The following RNF114 variants were observed in gnomAD, a reference collection of about 807,000 sequenced individuals.
RNF114 encodes the protein E3 ubiquitin-protein ligase RNF114.
RNF114 carries 6 observed loss-of-function variants against 28.4 expected under a neutral mutation model. The observed-to-expected ratio is 0.21, with a 90% CI of 0.12 to 0.42. The LOEUF (loss-of-function observed/expected upper bound fraction) is 0.42. RNF114 is among the 10% of genes least tolerant of loss of function. The pLI, the probability that RNF114 is intolerant of heterozygous loss-of-function variation, is 1.00. For missense variants in RNF114, 249 were observed against 311.7 expected, an observed-to-expected ratio of 0.80 and a Z score of 1.51; for synonymous variants, 115 against 116.7, an observed-to-expected ratio of 0.99 and a Z score of 0.09.
rs1193863761 is a variant in RNF114 at position 49,936,484 on chromosome 20, A to G, written c.72A>G (p.Leu24=). 3 of 1,564,476 alleles carry G rather than the reference A, an allele frequency of 1.9e-6. No homozygotes were observed. The highest frequency in any genetic ancestry group is 1.4e-5 in the African/African-American group (1 of 72,964). ...GGCCGGCGGCGGAGGCTGACCCCCT[A>G]GGACGCTTCACGTGTCCCGTGTGCT... The part of the protein sequence containing the change: ...LAGPAAEADP[L]GRFTCPVCLE... Residue 24 remains leucine, a synonymous_variant, in exon 1 of 6, where the codon CTA becomes CTG. Transcript: ENST00000244061.
chr20:49,950,080 T>TC (rs1323545958), intron 5 of RNF114, among the ~76,000 whole-genome samples: 2 of 151,796 alleles, frequency 1.3e-5, no homozygotes, highest in African/African-American at 2.4e-5. Flanking sequence ...TGAAATCCCG[T>TC]CTTTACTAAA....
At position 49,945,412 on chromosome 20, in the gene RNF114, G is replaced by T. The variant is rs762982255; in HGVS notation, c.322G>T (p.Ala108Ser). 1.6e-5 allele frequency: 26 copies of T among 1,613,022 alleles called. No individual in the cohort carries two copies. The highest frequency in any genetic ancestry group is 2.5e-6 in the Non-Finnish European group (3 of 1,179,138). The change falls in exon 3 of 6, where the codon GCT becomes TCT. Residue 108 changes from alanine (A) to serine (S), a missense_variant. This residue lies in a region of RNF114 where 126 missense variants were observed against 205.3 expected (regional missense o/e 0.61). Coordinates refer to ENST00000244061, the MANE Select transcript of RNF114 (RefSeq NM_018683.4). ...CCTGTCCAAGATCCGGTCCCACGTGGCTACTTGTTCCAAATACCAGAATTA... is the reference window on the plus strand; with the variant it reads ...CCTGTCCAAGATCCGGTCCCACGTGTCTACTTGTTCCAAATACCAGAATTA... ...FFLSKIRSHVATCSKYQNYIM... is the reference protein window; with the variant it reads ...FFLSKIRSHVSTCSKYQNYIM...
chr20:49,945,409 G>A lies in RNF114; in HGVS notation c.319G>A (p.Val107Met), dbSNP rs769611423. 10 of 1,612,946 alleles carry A rather than the reference G, an allele frequency of 6.2e-6. No individual in the cohort carries two copies. Among genetic ancestry groups the A allele is most frequent in the Admixed American group, 3.3e-5 (2 of 59,992 alleles). The change falls in exon 3 of 6, where the codon GTG (valine) becomes ATG (methionine). Residue 107 changes from valine to methionine, a missense_variant. This residue lies in a region of RNF114 where 126 missense variants were observed against 205.3 expected (regional missense o/e 0.61). Transcript: ENST00000244061. ...NFFLSKIRSH[V>M]ATCSKYQNYI... The stretch of plus-strand genomic sequence containing the variant: ...CTTCCTGTCCAAGATCCGGTCCCAC[G>A]TGGCTACTTGTTCCAAATACCAGAA...
intron 5 of RNF114, 95 bp from the exon 6 acceptor site, chr20:49,951,981 C>CCGGATCCAGTTGCTAGACTGTCCTGCTT: frequency 9.8e-7 from 1 of 1,015,420 alleles, no homozygotes; most frequent in Non-Finnish European, 1.5e-6. Flanking sequence ...GCAACCTGCT[C>CCGGATCCAGTTGCTAGACTGTCCTGCTT]CGGATCCAGT....
At chr20:49,949,771 A>C (rs1399066340) in intron 5 of RNF114, among the ~76,000 whole-genome samples, 4 of 152,034 alleles carry the variant, frequency 2.6e-5, no homozygotes, top group Non-Finnish European at 4.4e-5. Flanking sequence ...CAGCCTCCTG[A>C]GTAGCTGGGA....
rs772836455 is a variant in RNF114 at position 49,945,410 on chromosome 20, T to G, written c.320T>G (p.Val107Gly). 4 of 1,613,068 alleles carry G rather than the reference T, an allele frequency of 2.5e-6. No individual in the cohort carries two copies. In the South Asian group the frequency reaches 4.4e-5, roughly 18 times the overall value. ...NFFLSKIRSH[V>G]ATCSKYQNYI... Reference sequence around the variant, plus strand: ...TTCCTGTCCAAGATCCGGTCCCACGTGGCTACTTGTTCCAAATACCAGAAT... The same window carrying G: ...TTCCTGTCCAAGATCCGGTCCCACGGGGCTACTTGTTCCAAATACCAGAAT... Residue 107 changes from valine to glycine, a missense_variant, in exon 3 of 6, where the codon GTG becomes GGG. Val to Gly is a moderately radical substitution (Grantham distance 109, BLOSUM62 -3). Coordinates refer to ENST00000244061, the MANE Select transcript of RNF114 (RefSeq NM_018683.4).
At chr20:49,952,001 G>GTCCTGCTTCGGATCCAGTTGCTAGGCTA in intron 5 of RNF114, 75 bp from the exon 6 acceptor site, 1 of 1,300,430 alleles carries the variant, frequency 7.7e-7, no homozygotes, top group Non-Finnish European at 1.1e-6. Flanking sequence ...TTGCTAGGCT[G>GTCCTGCTTCGGATCCAGTTGCTAGGCTA]TCCTGCTTCT....
Position 49,953,786 on chromosome 20 carries a change from CT to C in RNF114, c.*1647del, listed in dbSNP as rs2146862613. 1 of 152,202 alleles carries C rather than the reference CT, an allele frequency of 6.6e-6. No individual in the cohort carries two copies. Among genetic ancestry groups the C allele is most frequent in the East Asian group, 1.9e-4 (1 of 5,184 alleles). The allele number at this position is 152,202 out of a possible 1,614,324, so 9.4% of individuals were successfully genotyped here. A position where few individuals can be genotyped will look rare whatever the true frequency, so the allele number is the denominator to read the frequency against. ...AACTTACTTCCTTGTATTAAGTGCACTTCTTGTATTTCTAATAAGATGACTT... is the reference window on the plus strand; with the variant it reads ...AACTTACTTCCTTGTATTAAGTGCACTCTTGTATTTCTAATAAGATGACTT... On this transcript the variant is annotated 3_prime_UTR_variant, in exon 6 of 6. Coordinates refer to ENST00000244061, the MANE Select transcript of RNF114 (RefSeq NM_018683.4).
In RNF114 at chr20:49,941,597, G is replaced by C. The variant is rs764056847; in HGVS notation, c.177G>C (p.Pro59=). The C allele has an allele frequency of 1.2e-6, 2 of 1,610,132 alleles. No homozygotes were observed. Among genetic ancestry groups the C allele is most frequent in the Non-Finnish European group, 1.7e-6 (2 of 1,177,380 alleles). ...CATGCCTGCAGGAATGTCTGAAGCCGAAGAAGCCTGTCTGTGGGGTGTGTC... is the reference window on the plus strand; with the variant it reads ...CATGCCTGCAGGAATGTCTGAAGCCCAAGAAGCCTGTCTGTGGGGTGTGTC... The part of the protein sequence containing the change: ...CSACLQECLK[P]KKPVCGVCRS... The change falls in exon 2 of 6, where the codon CCG becomes CCC. Residue 59 remains proline (P), a synonymous_variant. Transcript: ENST00000244061.
chr20:49,949,221 C>T (rs1478294919), intron 4 of RNF114, 27 bp from the exon 5 acceptor site: 2 of 1,595,882 alleles, frequency 1.3e-6, no homozygotes, highest in Non-Finnish European at 1.7e-6. Flanking sequence ...AAATTGGGTG[C>T]CTAAGACCTT....
intron 2 of RNF114, among the ~76,000 whole-genome samples, chr20:49,942,542 G>T (rs992356968): frequency 6.6e-6 from 1 of 152,102 alleles, no homozygotes; most frequent in Non-Finnish European, 1.5e-5. Context: ...TCAACTTAAG[G>T]CCTGGCAAGG....
chr20:49,949,878 C>T (rs1424524444), intron 5 of RNF114, among the ~76,000 whole-genome samples: 2 of 151,664 alleles, frequency 1.3e-5, no homozygotes, highest in African/African-American at 2.4e-5. Context: ...CTCCTGACCT[C>T]GTGATCTGCC....
At chr20:49,951,008 T>G (rs925673691) in intron 5 of RNF114, among the ~76,000 whole-genome samples, 1 of 152,218 alleles carries the variant, frequency 6.6e-6, no homozygotes, top group Non-Finnish European at 1.5e-5. Context: ...TTATATTCTT[T>G]CCCTAGAGCT....
rs1600874254 is a variant in RNF114 at position 49,953,378 on chromosome 20, A to C, written c.*1237A>C. 1 of 152,190 alleles carries C rather than the reference A, an allele frequency of 6.6e-6. No individual in the cohort carries two copies. The highest frequency in any genetic ancestry group is 1.9e-4 in the East Asian group (1 of 5,192). The allele number at this position is 152,190 out of a possible 1,614,324, so 9.4% of individuals were successfully genotyped here. A position where few individuals can be genotyped will look rare whatever the true frequency, so the allele number is the denominator to read the frequency against. ...ATATAAGTCCAAGAGCTGTCAGCCT[A>C]ATCTGTAGGAGCAGAACCTCTGATT... On this transcript the variant is annotated 3_prime_UTR_variant, in exon 6 of 6. Coordinates refer to ENST00000244061, the MANE Select transcript of RNF114 (RefSeq NM_018683.4).
intron 4 of RNF114, 128 bp from the exon 5 acceptor site, chr20:49,949,120 A>G (rs2090346089): frequency 1.4e-6 from 1 of 693,418 alleles, no homozygotes; most frequent in South Asian, 1.6e-5. Flanking sequence ...GTGCACAGGA[A>G]GGAGTTACTG....
chr20:49,939,938 C>T (rs1385660517), intron 1 of RNF114, among the ~76,000 whole-genome samples: 1 of 151,290 alleles, frequency 6.6e-6, no homozygotes, highest in Non-Finnish European at 1.5e-5. Flanking sequence ...CCTGTAACCC[C>T]AGCCACTTGG....
intron 2 of RNF114, 35 bp from the exon 3 acceptor site, chr20:49,945,347 C>A: frequency 7.1e-7 from 1 of 1,402,600 alleles, no homozygotes; most frequent in Non-Finnish European, 1.0e-6. Context: ...GCAAGGTCCT[C>A]ACTAACTTAT....
rs11429510 is a variant in RNF114 at position 49,950,682 on chromosome 20, C to CAA, written c.621+1344_621+1345dup. ...TGGGCAACAGAATGAGACCCTGTCT[C>CAA]AAAAAAAAAAAAAAAAAACAAAACA... On this transcript the variant is annotated intron_variant, in intron 5 of 5. Transcript: ENST00000244061. Among the ~76,000 whole-genome samples the CAA allele has an allele frequency of 3.5e-3, 317 of 90,366 alleles. 1 individual carries two copies. The highest frequency in any genetic ancestry group is 6.8e-3 in the African/African-American group (151 of 22,276). The allele number at this position is 90,366 out of a possible 152,430, so 59.3% of individuals were successfully genotyped here. A position where few individuals can be genotyped will look rare whatever the true frequency, so the allele number is the denominator to read the frequency against.
Position 49,942,654 on chromosome 20 carries a change from C to T in RNF114, c.291+943C>T, listed in dbSNP as rs932288568. On this transcript the variant is annotated intron_variant, in intron 2 of 5. Coordinates refer to ENST00000244061, the MANE Select transcript of RNF114 (RefSeq NM_018683.4). ...CCTGGACAACATGGTGAAACCTCGG[C>T]TCTACTGAAAATACAAAAAACTAGC... 5.9e-5 allele frequency among the ~76,000 whole-genome samples: 9 copies of T among 152,218 alleles called. No individual in the cohort carries two copies. In the East Asian group the frequency reaches 1.7e-3, roughly 29 times the overall value.
Sources: allele counts gnomAD v4.1 joint callset (sites outside exome capture counted in the v4.1 genomes callset), GRCh38; gene constraint gnomAD v4.1.1; regional missense constraint gnomAD v4.1.1; transcripts MANE v1.5; gene names NCBI Gene and HGNC (gene_info 2026-07-23, HGNC 2026-07-21).